Variants in B4GALNT3 observed in about 807,000 individuals in gnomAD.
The protein encoded by B4GALNT3 is beta-1,4-N-acetylgalactosaminyltransferase 3.
B4GALNT3 carries 86 observed loss-of-function variants against 120.2 expected under a neutral mutation model. That is an observed-to-expected ratio of 0.72 (90% CI 0.60 to 0.86). B4GALNT3 has a LOEUF of 0.86. B4GALNT3 is among the 40% of genes least tolerant of loss of function. B4GALNT3 has a pLI of 0.00. For missense variants in B4GALNT3, 1,167 were observed against 1,298.9 expected, an observed-to-expected ratio of 0.90 and a Z score of 1.56; for synonymous variants, 518 against 510.4, an observed-to-expected ratio of 1.01 and a Z score of -0.20.
At chr12:556,078 T>C (rs200885018) in intron 14 of B4GALNT3, among the ~76,000 whole-genome samples, 9,636 of 152,072 alleles carry the variant, frequency 0.063, 708 homozygotes, top group Admixed American at 0.22. Flanking sequence ...CCACTGCACC[T>C]GGCATTGTGT....
At chr12:533,788 A>T (rs889595800) in intron 1 of B4GALNT3, among the ~76,000 whole-genome samples, 42 of 152,298 alleles carry the variant, frequency 2.8e-4, no homozygotes, top group African/African-American at 9.9e-4. Context: ...CACAAAGCAT[A>T]ATCATGTAAG....
At chr12:499,547 A>G (rs1373191061) in intron 1 of B4GALNT3, among the ~76,000 whole-genome samples, 1 of 128,708 alleles carries the variant, frequency 7.8e-6, no homozygotes. Context: ...CTCACTATCT[A>G]GAACACTCCT....
At chr12:492,711 G>A (rs1195586986) in intron 1 of B4GALNT3, among the ~76,000 whole-genome samples, 2 of 152,156 alleles carry the variant, frequency 1.3e-5, no homozygotes, top group African/African-American at 2.4e-5. Context: ...CTGAATTCAA[G>A]AGAGTACGGA....
At position 544,211 on chromosome 12, in the gene B4GALNT3, T is replaced by C. The variant is rs545234386; in HGVS notation, c.352-128T>C. 6.6e-5 allele frequency: 51 copies of C among 770,938 alleles called. No individual in the cohort carries two copies. In the African/African-American group the frequency reaches 8.3e-4, roughly 13 times the overall value. 47.8% of individuals were successfully genotyped at this position (770,938 alleles called of 1,614,324 possible). A position where few individuals can be genotyped will look rare whatever the true frequency, so the allele number is the denominator to read the frequency against. ...TGGAGCTGAGGCTCTGGGGAGGGCA[T>C]GGGGTGCTCATCCTCCTGGAGCTGA... On this transcript the variant is annotated intron_variant, in intron 3 of 19. Transcript: ENST00000266383.
At chr12:491,581 G>T (rs557034005) in intron 1 of B4GALNT3, among the ~76,000 whole-genome samples, 1 of 151,646 alleles carries the variant, frequency 6.6e-6, no homozygotes, top group African/African-American at 2.4e-5. Flanking sequence ...TGCCTGCCTC[G>T]GCCTCCCAAA....
intron 1 of B4GALNT3, among the ~76,000 whole-genome samples, chr12:486,503 G>A (rs761519310): frequency 2.6e-5 from 4 of 152,076 alleles, no homozygotes; most frequent in Non-Finnish European, 4.4e-5. Context: ...CACCAAGCCC[G>A]GCCTATTCTG....
In B4GALNT3 at chr12:553,341, G is replaced by C. The variant is rs777975379; in HGVS notation, c.1418G>C (p.Arg473Pro). ...CAAGATGCCACTGACTACCGCCTCC[G>C]AAGCCTGCGGAAACTCCTGGCTCAG... ...LEQDATDYRLRSLRKLLAQPR... is the reference protein window; with the variant it reads ...LEQDATDYRLPSLRKLLAQPR... Residue 473 changes from arginine to proline, a missense_variant, in exon 14 of 20, where the codon CGA becomes CCA. Coordinates refer to ENST00000266383, the MANE Select transcript of B4GALNT3 (RefSeq NM_173593.4). 8 of 1,613,752 alleles carry C rather than the reference G, an allele frequency of 5.0e-6. No homozygotes were observed. In the South Asian group the frequency reaches 6.6e-5, roughly 13 times the overall value.
chr12:497,864 A>G (rs1453562766), intron 1 of B4GALNT3, among the ~76,000 whole-genome samples: 1 of 151,916 alleles, frequency 6.6e-6, no homozygotes, highest in Admixed American at 6.6e-5. Context: ...TAGCACAGCC[A>G]CTCTAGAAAG....
At chr12:472,956 G>C (rs1194456476) in intron 1 of B4GALNT3, among the ~76,000 whole-genome samples, 1 of 149,890 alleles carries the variant, frequency 6.7e-6, no homozygotes, top group Non-Finnish European at 1.5e-5. Flanking sequence ...CCACTGATTT[G>C]TACTTTAATT....
chr12:471,442 C>T (rs1946135049), intron 1 of B4GALNT3, among the ~76,000 whole-genome samples: 1 of 151,654 alleles, frequency 6.6e-6, no homozygotes, highest in Non-Finnish European at 1.5e-5. Context: ...CACGGTGGCT[C>T]ATGCCTGAAA....
chr12:506,797 C>T (rs7301965), intron 1 of B4GALNT3, among the ~76,000 whole-genome samples: 38,346 of 151,954 alleles, frequency 0.25, 5,154 homozygotes, highest in East Asian at 0.36. Context: ...CCACCACGCC[C>T]GGCTAATTTT....
intron 1 of B4GALNT3, among the ~76,000 whole-genome samples, chr12:522,670 C>A (rs764086071): frequency 6.6e-6 from 1 of 151,926 alleles, no homozygotes; most frequent in African/African-American, 2.4e-5. Flanking sequence ...CGTGGTGGCT[C>A]ACGTCTGTCA....
At chr12:533,589 C>T (rs1946828726) in intron 1 of B4GALNT3, among the ~76,000 whole-genome samples, 1 of 152,186 alleles carries the variant, frequency 6.6e-6, no homozygotes, top group South Asian at 2.1e-4. Context: ...ATGAGAAAAC[C>T]TGGGCCTGTG....
chr12:482,013 G>A (rs1237141141), intron 1 of B4GALNT3, among the ~76,000 whole-genome samples: 1 of 151,866 alleles, frequency 6.6e-6, no homozygotes, highest in Non-Finnish European at 1.5e-5. Context: ...TCCCCAAATC[G>A]TTCTGGGTTT....
rs558592769 is a variant in B4GALNT3 at position 551,368 on chromosome 12, TC to T, written c.1107+340del. ...ACACAACCCTACCCTGCCTGGTCAGTCCCGCCAGCTAGTGAGCCAGCAGGAC... is the reference window on the plus strand; with the variant it reads ...ACACAACCCTACCCTGCCTGGTCAGTCCGCCAGCTAGTGAGCCAGCAGGAC... On this transcript the variant is annotated intron_variant, in intron 11 of 19. Coordinates refer to ENST00000266383, the MANE Select transcript of B4GALNT3 (RefSeq NM_173593.4). Among the ~76,000 whole-genome samples, 22 of 152,178 alleles carry T rather than the reference TC, an allele frequency of 1.4e-4. 1 individual carries two copies. In the East Asian group the frequency reaches 4.3e-3, roughly 29 times the overall value.
rs373046927 is a variant in B4GALNT3, at chr12:548,122, C to T, written c.786+20C>T. Reference sequence around the variant, plus strand: ...GTTGCAGTGAGTTTCCTGCTGCTCCCGCCTCTCCCAGCTCAGTTCCTGGCA... The same window carrying T: ...GTTGCAGTGAGTTTCCTGCTGCTCCTGCCTCTCCCAGCTCAGTTCCTGGCA... On this transcript the variant is annotated intron_variant, in intron 8 of 19. Transcript: ENST00000266383. This position sits in a 1 kb window ranked among gnomAD's most constrained non-coding sequence, Gnocchi z 4.9. 64 of 1,612,756 alleles carry T rather than the reference C, an allele frequency of 4.0e-5. No homozygotes were observed. Among genetic ancestry groups the T allele is most frequent in the Non-Finnish European group, 5.3e-5 (62 of 1,178,950 alleles).
chr12:561,623 G>C lies in B4GALNT3; in HGVS notation c.*172G>C. ...TCCCCTCACAGAGGCAGGTTCCGGGGCTCCTGTCTCTGCCTCCTGGGCCTT... is the reference window on the plus strand; with the variant it reads ...TCCCCTCACAGAGGCAGGTTCCGGGCCTCCTGTCTCTGCCTCCTGGGCCTT... On this transcript the variant is annotated 3_prime_UTR_variant, in exon 20 of 20. Coordinates refer to ENST00000266383, the MANE Select transcript of B4GALNT3 (RefSeq NM_173593.4). 3 of 593,856 alleles carry C rather than the reference G, an allele frequency of 5.1e-6. No homozygotes were observed. The highest frequency in any genetic ancestry group is 8.9e-6 in the Non-Finnish European group (3 of 336,296). 36.8% of individuals were successfully genotyped at this position (593,856 alleles called of 1,614,324 possible).
At position 459,962 on chromosome 12, in the gene B4GALNT3, A is replaced by AGAGCCCG. The variant is rs1245330841; in HGVS notation, c.-406_-400dup. On this transcript the variant is annotated 5_prime_UTR_variant, in exon 1 of 20. Transcript: ENST00000266383. Reference sequence around the variant, plus strand: ...CCAGGTTCCGCGAGCAGGAGAGCCCAGAGCCCGGAGCCCGGTCCGGGGCTG... The same window carrying AGAGCCCG: ...CCAGGTTCCGCGAGCAGGAGAGCCCAGAGCCCGGAGCCCGGAGCCCGGTCCGGGGCTG... Among the ~76,000 whole-genome samples the AGAGCCCG allele has an allele frequency of 2.0e-5, 3 of 149,554 alleles. No individual in the cohort carries two copies. Among genetic ancestry groups the AGAGCCCG allele is most frequent in the Admixed American group, 6.6e-5 (1 of 15,054 alleles).
At chr12:511,427 A>ACCTTCTTCCACCTTCCACCTTCCC (rs1411127740) in intron 1 of B4GALNT3, among the ~76,000 whole-genome samples, 2 of 58,396 alleles carry the variant, frequency 3.4e-5, no homozygotes, top group Non-Finnish European at 6.3e-5. Flanking sequence ...TCCACCTTCC[A>ACCTTCTTCCACCTTCCACCTTCCC]CCTTCTTCCA....
Sources: gnomAD v4.1 joint callset for allele counts (sites outside exome capture counted in the v4.1 genomes callset) on GRCh38, gnomAD v4.1.1 for gene constraint, Gnocchi (gnomAD v3.1) non-coding constraint, MANE v1.5 for transcripts, NCBI Gene and HGNC (gene_info 2026-07-23, HGNC 2026-07-21) for gene names.